The following LFNG variants were observed in gnomAD, a reference collection of about 807,000 sequenced individuals.
The protein encoded by LFNG is beta-1,3-N-acetylglucosaminyltransferase lunatic fringe.
In LFNG, 15 loss-of-function variants were observed where a neutral mutation model predicts 32.7. The observed-to-expected ratio is 0.46, with a 90% CI of 0.31 to 0.71. The LOEUF (loss-of-function observed/expected upper bound fraction) is 0.71, where lower values mean the gene tolerates loss of function less well. Ranked by LOEUF, LFNG falls within the 30% of genes least tolerant of loss-of-function variation. The pLI is 0.06. For synonymous variants in LFNG, 274 were observed against 246.8 expected (o/e 1.11, Z -1.03); for missense variants, 520 against 545.7 (o/e 0.95, Z 0.47).
rs1018897859 is a variant in LFNG, at chr7:2,527,543, G to A, written c.*331G>A. On this transcript the variant is annotated 3_prime_UTR_variant, in exon 8 of 8. Coordinates refer to ENST00000222725, the MANE Select transcript of LFNG (RefSeq NM_001040167.2). This position sits in a 1 kb window ranked among gnomAD's most constrained non-coding sequence, Gnocchi z 4.4. ...GATTTTTGGATCTTTCTACAGCTAC[G>A]GGGCTCCGGGCTACTTTGCAGGGAT... 23 of 1,276,100 alleles carry A rather than the reference G, an allele frequency of 1.8e-5. No individual in the cohort carries two copies. The highest frequency in any genetic ancestry group is 3.9e-5 in the East Asian group (1 of 25,338). 79.0% of individuals were successfully genotyped at this position (1,276,100 alleles called of 1,614,324 possible).
exon 1 of LFNG, chr7:2,512,656 T>C (rs1211745873): frequency 6.2e-7 from 1 of 1,613,768 alleles, no homozygotes; most frequent in Non-Finnish European, 8.5e-7. Context: ...CTCAGAGGGA[T>C]GGATGAACAG....
Position 2,525,549 on chromosome 7 carries a change from G to A in LFNG, c.717G>A (p.Arg239=). The part of the protein sequence containing the change: ...SLDRPIQAME[R]VSENKVRPVH... Reference sequence around the variant, plus strand: ...ACAGGCCCATCCAGGCCATGGAGCGGGTCAGCGAGAACAAGGTGGTGAGTG... The same window carrying A: ...ACAGGCCCATCCAGGCCATGGAGCGAGTCAGCGAGAACAAGGTGGTGAGTG... Residue 239 remains arginine (R), a synonymous_variant, in exon 4 of 8, where the codon CGG becomes CGA. Coordinates refer to ENST00000222725, the MANE Select transcript of LFNG (RefSeq NM_001040167.2). 1 of 1,612,428 alleles carries A rather than the reference G, an allele frequency of 6.2e-7. No individual in the cohort carries two copies. The highest frequency in any genetic ancestry group is 8.5e-7 in the Non-Finnish European group (1 of 1,179,814).
In LFNG at chr7:2,526,180, C is replaced by T. The variant is rs898228246; in HGVS notation, c.822-64C>T. ...GTGCAGCGCCTTTGCCTGGTGGGGCCTCCCCAGCTCCCAGCAGATGGCTCC... is the reference window on the plus strand; with the variant it reads ...GTGCAGCGCCTTTGCCTGGTGGGGCTTCCCCAGCTCCCAGCAGATGGCTCC... On this transcript the variant is annotated intron_variant, in intron 5 of 7. Coordinates refer to ENST00000222725, the MANE Select transcript of LFNG (RefSeq NM_001040167.2). This position sits in a 1 kb window ranked among gnomAD's most constrained non-coding sequence, Gnocchi z 6.9. The T allele has an allele frequency of 6.3e-7, 1 of 1,584,894 alleles. No homozygotes were observed. Among genetic ancestry groups the T allele is most frequent in the Admixed American group, 1.7e-5 (1 of 59,672 alleles).
rs766956135 is a variant in LFNG, at chr7:2,526,909, C to T, written c.1061C>T (p.Ala354Val). 6 of 1,612,368 alleles carry T rather than the reference C, an allele frequency of 3.7e-6. No homozygotes were observed. Among genetic ancestry groups the T allele is most frequent in the South Asian group, 2.2e-5 (2 of 91,028 alleles). Residue 354 changes from alanine (A) to valine (V), a missense_variant, in exon 7 of 8, where the codon GCC becomes GTC. Ala to Val is a moderately conservative substitution (Grantham distance 64). Around this residue, in one of 3 missense-constraint regions of LFNG, gnomAD observed 150 missense variants for 159.9 expected, o/e 0.94. Transcript: ENST00000222725. This position sits in a 1 kb window ranked among gnomAD's most constrained non-coding sequence, Gnocchi z 6.9. ...VHVKGPFSVEADPSRFRSIHC... is the reference protein window; with the variant it reads ...VHVKGPFSVEVDPSRFRSIHC... ...GTGAAGGGGCCCTTCTCGGTGGAGGCCGACCCATCCAGGTAAGGAAACCCC... is the reference window on the plus strand; with the variant it reads ...GTGAAGGGGCCCTTCTCGGTGGAGGTCGACCCATCCAGGTAAGGAAACCCC...
In LFNG at chr7:2,527,730, T is replaced by C; in HGVS notation, c.*518T>C. 2.9e-6 allele frequency: 3 copies of C among 1,042,766 alleles called. No homozygotes were observed. Among genetic ancestry groups the C allele is most frequent in the Non-Finnish European group, 3.5e-6 (3 of 862,650 alleles). The allele number at this position is 1,042,766 out of a possible 1,614,324, so 64.6% of individuals were successfully genotyped here. On this transcript the variant is annotated 3_prime_UTR_variant, in exon 8 of 8. Transcript: ENST00000222725. The surrounding 1 kb of genome is among the most constrained non-coding windows in gnomAD (Gnocchi z 4.4). The stretch of plus-strand genomic sequence containing the variant: ...TCTGGGGGTGCGTGACCCAATCCCC[T>C]TCCTCCTGGCCTGGACGCTGTGGCT...
upstream of LFNG, among the ~76,000 whole-genome samples, chr7:2,513,722 C>T (rs1779544293): frequency 6.6e-6 from 1 of 152,224 alleles, no homozygotes; most frequent in African/African-American, 2.4e-5. Flanking sequence ...AAGACAAAGG[C>T]CGGCTGGGGC....
At chr7:2,519,755 G>C (rs188281408), upstream of LFNG, 1,356 of 608,906 alleles carry the variant, frequency 2.2e-3, 15 homozygotes, top group African/African-American at 0.024. Flanking sequence ...TTAAGAGCGC[G>C]GGACACTGGT....
At chr7:2,517,239 C>G (rs916074280), upstream of LFNG, among the ~76,000 whole-genome samples, 10 of 152,092 alleles carry the variant, frequency 6.6e-5, no homozygotes, top group Non-Finnish European at 1.3e-4. Context: ...AAGAAGTCAC[C>G]ACGAAATTCC....
At position 2,520,391 on chromosome 7, in the gene LFNG, C is replaced by G. The variant is rs1779758246; in HGVS notation, c.432+98C>G. 4 of 1,144,530 alleles carry G rather than the reference C, an allele frequency of 3.5e-6. No homozygotes were observed. The highest frequency in any genetic ancestry group is 5.0e-6 in the Non-Finnish European group (4 of 807,210). The allele number at this position is 1,144,530 out of a possible 1,614,324, so 70.9% of individuals were successfully genotyped here. ...GTCCCATGGGAGTCAGGCTGCATCCCCATCCAGCCACTAGGGCCATCTGTG... is the reference window on the plus strand; with the variant it reads ...GTCCCATGGGAGTCAGGCTGCATCCGCATCCAGCCACTAGGGCCATCTGTG... On this transcript the variant is annotated intron_variant, in intron 1 of 7. Transcript: ENST00000222725. The surrounding 1 kb of genome is among the most constrained non-coding windows in gnomAD (Gnocchi z 5.0).
chr7:2,517,780 G>A, upstream of LFNG: 1 of 849,326 alleles, frequency 1.2e-6, no homozygotes, highest in Non-Finnish European at 1.7e-6. Flanking sequence ...AGGAGGGATT[G>A]GGCCTCAAGA....
upstream of LFNG, among the ~76,000 whole-genome samples, chr7:2,513,791 G>A (rs560574543): frequency 4.6e-5 from 7 of 152,346 alleles, no homozygotes; most frequent in South Asian, 1.2e-3. Context: ...TCAGTAAGTG[G>A]ATCCTGGTGG....
upstream of LFNG, among the ~76,000 whole-genome samples, chr7:2,516,119 C>T (rs1779621192): frequency 6.6e-6 from 1 of 152,210 alleles, no homozygotes; most frequent in East Asian, 1.9e-4. Flanking sequence ...GTTGGCATTC[C>T]TGCGTCTGTG....
intron 4 of LFNG, 21 bp downstream of exon 4, chr7:2,525,588 G>A: frequency 6.2e-7 from 1 of 1,612,090 alleles, no homozygotes; most frequent in Non-Finnish European, 8.5e-7. Context: ...GCCCCTCCCA[G>A]TCCCCCACGC....
upstream of LFNG, among the ~76,000 whole-genome samples, chr7:2,516,293 G>A (rs936416219): frequency 2.6e-5 from 4 of 152,212 alleles, no homozygotes; most frequent in African/African-American, 9.6e-5. Context: ...GTGGACAGGC[G>A]CCTCGGATGG....
chr7:2,516,368 G>A (rs1002875836), upstream of LFNG, among the ~76,000 whole-genome samples: 2 of 152,242 alleles, frequency 1.3e-5, no homozygotes, highest in Non-Finnish European at 2.9e-5. Context: ...CCTGCAGGAA[G>A]GCAGGCCAGA....
At chr7:2,525,180 C>A in intron 2 of LFNG, 39 bp from the exon 3 acceptor site, 1 of 1,565,744 alleles carries the variant, frequency 6.4e-7, no homozygotes, top group Non-Finnish European at 8.8e-7. Context: ...TCTCTGGGAG[C>A]CGGCTCAGAC....
chr7:2,515,962 C>T (rs1171081966), upstream of LFNG, among the ~76,000 whole-genome samples: 1 of 152,222 alleles, frequency 6.6e-6, no homozygotes. Context: ...TTCCCATCAC[C>T]CTCCTTCCTG....
In LFNG at chr7:2,525,131, G is replaced by T; in HGVS notation, c.482-88G>T. 7 of 1,182,208 alleles carry T rather than the reference G, an allele frequency of 5.9e-6. No homozygotes were observed. The Admixed American group carries it at 9.6e-5, about 16-fold the overall frequency. 73.2% of individuals were successfully genotyped at this position (1,182,208 alleles called of 1,614,324 possible). ...CAGCTTGAACTAGGGGGCTTTTCTC[G>T]AGCCCCTGGGCCCTGTGGCGTCCCC... On this transcript the variant is annotated intron_variant, in intron 2 of 7. Coordinates refer to ENST00000222725, the MANE Select transcript of LFNG (RefSeq NM_001040167.2).
At chr7:2,517,189 G>A (rs1779648090), upstream of LFNG, among the ~76,000 whole-genome samples, 1 of 152,194 alleles carries the variant, frequency 6.6e-6, no homozygotes, top group Non-Finnish European at 1.5e-5. Flanking sequence ...GCGGGCGGGG[G>A]TGGCTAGGCG....
Sources: gnomAD v4.1 joint callset for allele counts (sites outside exome capture counted in the v4.1 genomes callset) on GRCh38, gnomAD v4.1.1 for gene constraint, gnomAD v4.1.1 regional missense constraint, Gnocchi (gnomAD v3.1) non-coding constraint, MANE v1.5 for transcripts, NCBI Gene and HGNC (gene_info 2026-07-23, HGNC 2026-07-21) for gene names.